ARID2: variants seen among roughly 807,000 people sequenced by gnomAD.
ARID2 encodes AT-rich interactive domain-containing protein 2.
Under a neutral mutation model 184.6 loss-of-function variants are expected in ARID2, and 32 were observed. The observed-to-expected ratio is 0.17, with a 90% CI of 0.13 to 0.23. The LOEUF (loss-of-function observed/expected upper bound fraction) is 0.23, where lower values mean the gene tolerates loss of function less well. Among genes scored for constraint, ARID2 ranks in the 10% least tolerant of loss-of-function variants. The pLI is 1.00. For missense variants in ARID2, 1,696 were observed against 2,197.6 expected (o/e 0.77, Z 4.56); for synonymous variants, 836 against 772.6 (o/e 1.08, Z -1.36).
chr12:45,839,180 T>A (rs540370768), intron 10 of ARID2, 149 bp from the exon 11 acceptor site: 20 of 824,942 alleles, frequency 2.4e-5, no homozygotes, highest in African/African-American at 3.5e-5. Context: ...TCTTTTTTTT[T>A]AAAGATGCAC....
chr12:45,824,694 C>T (rs911931183), intron 6 of ARID2, among the ~76,000 whole-genome samples: 7 of 151,634 alleles, frequency 4.6e-5, no homozygotes, highest in African/African-American at 1.7e-4. Context: ...AGTAATATAG[C>T]CATTATGGAA....
At chr12:45,834,501 G>T (rs990767792) in intron 6 of ARID2, among the ~76,000 whole-genome samples, 3 of 152,174 alleles carry the variant, frequency 2.0e-5, no homozygotes, top group African/African-American at 4.8e-5. Flanking sequence ...CCAGCACTTT[G>T]GGAGGCCGAG....
chr12:45,773,017 A>T (rs1007027624), intron 3 of ARID2, among the ~76,000 whole-genome samples: 1 of 152,232 alleles, frequency 6.6e-6, no homozygotes, highest in African/African-American at 2.4e-5. Flanking sequence ...ACACTGTAAA[A>T]GAAACCTTAT....
At chr12:45,893,215 G>C (rs1392410954) in intron 18 of ARID2, among the ~76,000 whole-genome samples, 1 of 152,196 alleles carries the variant, frequency 6.6e-6, no homozygotes, top group Non-Finnish European at 1.5e-5. Flanking sequence ...TAAAAGACTT[G>C]AAACTTTACC....
Position 45,759,781 on chromosome 12 carries a change from C to T in ARID2, c.284+28467C>T, listed in dbSNP as rs184889642. Among the ~76,000 whole-genome samples the T allele has an allele frequency of 2.8e-3, 422 of 152,222 alleles. 2 individuals are homozygous for T. Among genetic ancestry groups the T allele is most frequent in the Non-Finnish European group, 2.7e-3 (184 of 68,026 alleles). On this transcript the variant is annotated intron_variant, in intron 3 of 20. Coordinates refer to ENST00000334344, the MANE Select transcript of ARID2 (RefSeq NM_152641.4). ...TTCACTTTGTTTCCCAGGCTGGTCTCAATCTCCTGTGCTCAAGTGATTCTC... is the reference window on the plus strand; with the variant it reads ...TTCACTTTGTTTCCCAGGCTGGTCTTAATCTCCTGTGCTCAAGTGATTCTC...
chr12:45,831,163 CT>C (rs1484374102), intron 6 of ARID2, among the ~76,000 whole-genome samples: 1 of 152,106 alleles, frequency 6.6e-6, no homozygotes, highest in African/African-American at 2.4e-5. Context: ...TATTGCTGCA[CT>C]TTTTCTAACT....
intron 3 of ARID2, among the ~76,000 whole-genome samples, chr12:45,757,737 A>C (rs1446084744): frequency 6.6e-6 from 1 of 152,252 alleles, no homozygotes; most frequent in African/African-American, 2.4e-5. Flanking sequence ...TTAGTGAATT[A>C]GCAAATATTT....
intron 3 of ARID2, among the ~76,000 whole-genome samples, chr12:45,786,123 A>G (rs1325182517): frequency 2.0e-5 from 3 of 152,240 alleles, no homozygotes; most frequent in African/African-American, 4.8e-5. Context: ...ACTGTGATTC[A>G]TATTTATAAA....
chr12:45,905,953 T>TC lies in ARID2; in HGVS notation c.*875_*876insC. The TC allele has an allele frequency of 1.8e-5, 3 of 170,596 alleles. No individual in the cohort carries two copies. The highest frequency in any genetic ancestry group is 9.9e-5 in the East Asian group (1 of 10,062). 10.6% of individuals were successfully genotyped at this position (170,596 alleles called of 1,614,324 possible). A position where few individuals can be genotyped will look rare whatever the true frequency, so the allele number is the denominator to read the frequency against. On this transcript the variant is annotated 3_prime_UTR_variant, in exon 21 of 21. Transcript: ENST00000334344. ...TTTTTCTTTTTTCTTTTTTTTTTTC[T>TC]TTTTTTTTTTGTATTATACACCTTG...
intron 15 of ARID2, among the ~76,000 whole-genome samples, chr12:45,858,353 C>T (rs1943687227): frequency 6.6e-6 from 1 of 151,850 alleles, no homozygotes. Context: ...AGAGCAAAAC[C>T]CTATCTAAAA....
At chr12:45,770,207 C>T (rs1372460508) in intron 3 of ARID2, among the ~76,000 whole-genome samples, 3 of 151,602 alleles carry the variant, frequency 2.0e-5, no homozygotes, top group Admixed American at 6.6e-5. Flanking sequence ...GAGCCGAGAT[C>T]GTGCCACTGC....
chr12:45,739,437 A>ATTTT (rs1941203601), intron 3 of ARID2, among the ~76,000 whole-genome samples: 1 of 55,760 alleles, frequency 1.8e-5, no homozygotes, highest in Non-Finnish European at 3.5e-5. Flanking sequence ...ATATAAAGTT[A>ATTTT]CTTTTTTTTT....
At chr12:45,799,896 C>T (rs1942463119) in intron 3 of ARID2, among the ~76,000 whole-genome samples, 1 of 152,090 alleles carries the variant, frequency 6.6e-6, no homozygotes, top group Non-Finnish European at 1.5e-5. Context: ...GTTGCCCAGC[C>T]TGGAGTGTGG....
intron 6 of ARID2, among the ~76,000 whole-genome samples, chr12:45,829,809 T>TTC (rs1943077038): frequency 6.7e-6 from 1 of 149,662 alleles, no homozygotes; most frequent in Non-Finnish European, 1.5e-5. Flanking sequence ...TTCTTTTTTT[T>TTC]TTTTTTTTAA....
chr12:45,741,345 A>G (rs1941251723), intron 3 of ARID2, among the ~76,000 whole-genome samples: 1 of 152,050 alleles, frequency 6.6e-6, no homozygotes, highest in African/African-American at 2.4e-5. Flanking sequence ...CTACAGGCGC[A>G]TGCCACCCTG....
intron 4 of ARID2, among the ~76,000 whole-genome samples, chr12:45,815,910 C>T (rs1177424766): frequency 6.6e-6 from 1 of 152,190 alleles, no homozygotes; most frequent in African/African-American, 2.4e-5. Flanking sequence ...ATCTTCCTTC[C>T]TCAGCCTCCC....
At chr12:45,858,067 A>T (rs1255761994) in intron 15 of ARID2, among the ~76,000 whole-genome samples, 2 of 152,170 alleles carry the variant, frequency 1.3e-5, no homozygotes, top group African/African-American at 2.4e-5. Flanking sequence ...GCCTAGCTAG[A>T]GGTATCTCTT....
At chr12:45,901,881 T>C (rs1944464966) in intron 20 of ARID2, among the ~76,000 whole-genome samples, 1 of 151,968 alleles carries the variant, frequency 6.6e-6, no homozygotes, top group Non-Finnish European at 1.5e-5. Flanking sequence ...TCTCACTATA[T>C]TGCCCAAGCT....
At chr12:45,730,216 T>G (rs1940953391) in intron 2 of ARID2, 79 bp downstream of exon 2, 5 of 1,426,520 alleles carry the variant, frequency 3.5e-6, no homozygotes, top group Admixed American at 2.0e-5. Flanking sequence ...AGTGGGCGCT[T>G]GGGGCTGGGG....
Sources: allele counts gnomAD v4.1 joint callset (sites outside exome capture counted in the v4.1 genomes callset), GRCh38; gene constraint gnomAD v4.1.1; transcripts MANE v1.5; gene names NCBI Gene and HGNC (gene_info 2026-07-23, HGNC 2026-07-21).